CRIM1: variants seen among roughly 807,000 people sequenced by gnomAD.
The protein encoded by CRIM1 is cysteine rich transmembrane BMP regulator 1.
Under a neutral mutation model 116.4 loss-of-function variants are expected in CRIM1, and 32 were observed. The ratio of observed to expected loss-of-function variants is 0.27; its 90% confidence interval spans 0.21 to 0.37. CRIM1 has a LOEUF of 0.37. Ranked by LOEUF, CRIM1 falls within the 10% of genes least tolerant of loss-of-function variation. The pLI is 1.00. For missense variants in CRIM1, 1,331 were observed against 1,354.8 expected (o/e 0.98, Z 0.28); for synonymous variants, 590 against 509.2 (o/e 1.16, Z -2.13).
chr2:36,387,653 AAAATTTCGG>A (rs1418960251), intron 1 of CRIM1, among the ~76,000 whole-genome samples: 1 of 152,212 alleles, frequency 6.6e-6, no homozygotes, highest in African/African-American at 2.4e-5. Context: ...GGTGATTTAA[AAAATTTCGG>A]AAATGGAGCC....
At chr2:36,524,327 A>G (rs1665611076) in intron 13 of CRIM1, among the ~76,000 whole-genome samples, 1 of 152,234 alleles carries the variant, frequency 6.6e-6, no homozygotes, top group African/African-American at 2.4e-5. Context: ...TCACGCAACA[A>G]AATGACACTG....
chr2:36,404,172 C>G (rs1672617108), intron 2 of CRIM1, among the ~76,000 whole-genome samples: 1 of 152,172 alleles, frequency 6.6e-6, no homozygotes. Flanking sequence ...AGGGTTGCTA[C>G]TGTTAGCCAA....
chr2:36,545,849 C>T (rs1276241965), intron 15 of CRIM1, among the ~76,000 whole-genome samples: 2 of 152,058 alleles, frequency 1.3e-5, no homozygotes, highest in Non-Finnish European at 1.5e-5. Flanking sequence ...TTCTTTTATT[C>T]ATTGTATATT....
rs112526719 is a variant in CRIM1, at chr2:36,525,065, A to G, written c.2428+2752A>G. 3.1e-3 allele frequency among the ~76,000 whole-genome samples: 476 copies of G among 152,304 alleles called. 1 individual carries two copies. Among genetic ancestry groups the G allele is most frequent in the African/African-American group, 0.01 (418 of 41,552 alleles). On this transcript the variant is annotated intron_variant, in intron 13 of 16. Coordinates refer to ENST00000280527, the MANE Select transcript of CRIM1 (RefSeq NM_016441.3). ...ACTGATGCACGTATAATTTTATCATATAAACCCATGACTTAGCTTCAGGGG... is the reference window on the plus strand; with the variant it reads ...ACTGATGCACGTATAATTTTATCATGTAAACCCATGACTTAGCTTCAGGGG...
chr2:36,526,773 T>C (rs1018688376), intron 13 of CRIM1, among the ~76,000 whole-genome samples: 1 of 152,122 alleles, frequency 6.6e-6, no homozygotes, highest in Non-Finnish European at 1.5e-5. Context: ...GGTCAGATAT[T>C]AAAAAGAAAA....
Position 36,517,371 on chromosome 2 carries a change from T to G in CRIM1, c.2035T>G (p.Cys679Gly). 6.2e-7 allele frequency: 1 copy of G among 1,614,206 alleles called. No individual in the cohort carries two copies. ...QKPELSTPSI[C>G]HAPGGEYFVE... is the part of the protein sequence containing the mutation. ...GCCAGAGCTCAGTACTCCCTCCATT[T>G]GCCACGCCCCTGGAGGAGAATACTT... The change falls in exon 12 of 17, where the codon TGC (cysteine) becomes GGC (glycine). Residue 679 changes from cysteine to glycine, a missense_variant. By Grantham distance (159) the Cys-to-Gly change is radical. Coordinates refer to ENST00000280527, the MANE Select transcript of CRIM1 (RefSeq NM_016441.3).
chr2:36,373,963 A>G (rs1259227630), intron 1 of CRIM1, among the ~76,000 whole-genome samples: 1 of 152,226 alleles, frequency 6.6e-6, no homozygotes, highest in Non-Finnish European at 1.5e-5. Context: ...TAATTTACAT[A>G]GATTAGATAC....
chr2:36,430,363 A>T (rs1674788566), intron 2 of CRIM1, among the ~76,000 whole-genome samples: 1 of 152,214 alleles, frequency 6.6e-6, no homozygotes, highest in South Asian at 2.1e-4. Context: ...ATTTGTTGAA[A>T]TGCCTTTTCT....
chr2:36,378,216 T>C (rs774295496), intron 1 of CRIM1: 2 of 440,922 alleles, frequency 4.5e-6, no homozygotes, highest in Non-Finnish European at 9.4e-6. Context: ...AAGTCGCAGG[T>C]GTTCAGTAAA....
rs185917405 is a variant in CRIM1, at chr2:36,497,497, T to C, written c.1373-1722T>C. 2.8e-4 allele frequency among the ~76,000 whole-genome samples: 42 copies of C among 152,290 alleles called. 1 individual carries two copies. Among genetic ancestry groups the C allele is most frequent in the Admixed American group, 1.9e-3 (29 of 15,300 alleles). On this transcript the variant is annotated intron_variant, in intron 7 of 16. Transcript: ENST00000280527. ...GAGAACTAAAGATGTTTGCAGTAAA[T>C]TTTAAGAGAATGGAGGGGAGCAGCA...
intron 13 of CRIM1, among the ~76,000 whole-genome samples, chr2:36,527,547 TTAAA>T (rs3836075): frequency 0.34 from 51,238 of 151,826 alleles, 9,199 homozygotes; most frequent in East Asian, 0.53. Context: ...TCGCAAATGA[TTAAA>T]TAATACTTAA....
At chr2:36,440,398 C>T (rs1319608915) in intron 2 of CRIM1, among the ~76,000 whole-genome samples, 1 of 152,152 alleles carries the variant, frequency 6.6e-6, no homozygotes, top group Non-Finnish European at 1.5e-5. Flanking sequence ...AGGTCCTGGG[C>T]TGGGATGATG....
intron 2 of CRIM1, among the ~76,000 whole-genome samples, chr2:36,413,813 CACTTGTA>C (rs1429837945): frequency 6.6e-6 from 1 of 152,168 alleles, no homozygotes. Flanking sequence ...TCATTACATA[CACTTGTA>C]AAGTGTATGT....
At position 36,506,302 on chromosome 2, in the gene CRIM1, A is replaced by G. The variant is rs544732096; in HGVS notation, c.1502-3681A>G. Among the ~76,000 whole-genome samples the G allele has an allele frequency of 1.5e-3, 227 of 152,184 alleles. 2 individuals are homozygous for G. The highest frequency in any genetic ancestry group is 5.2e-3 in the African/African-American group (215 of 41,514). ...AGTACCCAGAGAAAACCCACACAGCATGAGAGAACATGCAGTCTCCACACA... is the reference window on the plus strand; with the variant it reads ...AGTACCCAGAGAAAACCCACACAGCGTGAGAGAACATGCAGTCTCCACACA... On this transcript the variant is annotated intron_variant, in intron 8 of 16. Coordinates refer to ENST00000280527, the MANE Select transcript of CRIM1 (RefSeq NM_016441.3).
intron 13 of CRIM1, among the ~76,000 whole-genome samples, chr2:36,534,138 GGGA>G (rs1666320862): frequency 7.3e-6 from 1 of 137,368 alleles, no homozygotes; most frequent in Admixed American, 7.2e-5. Context: ...GGAAGAATGA[GGGA>G]GAGGGCAGGA....
chr2:36,454,084 G>T (rs1394851237), intron 4 of CRIM1, among the ~76,000 whole-genome samples: 1 of 152,130 alleles, frequency 6.6e-6, no homozygotes, highest in Non-Finnish European at 1.5e-5. Context: ...TACAAGTGAA[G>T]ACGCTTCTTA....
chr2:36,434,516 T>C (rs1413365926), intron 2 of CRIM1, among the ~76,000 whole-genome samples: 1 of 152,234 alleles, frequency 6.6e-6, no homozygotes, highest in Non-Finnish European at 1.5e-5. Context: ...TCTTATCCTC[T>C]CTGGGTCTCT....
At chr2:36,433,172 G>T (rs963218298) in intron 2 of CRIM1, among the ~76,000 whole-genome samples, 9 of 152,158 alleles carry the variant, frequency 5.9e-5, no homozygotes, top group African/African-American at 2.2e-4. Context: ...TTGCTAAAAT[G>T]CAGATTCTGA....
intron 8 of CRIM1, among the ~76,000 whole-genome samples, chr2:36,502,860 T>C (rs1166782673): frequency 6.6e-6 from 1 of 152,212 alleles, no homozygotes; most frequent in Admixed American, 6.5e-5. Context: ...GAGATGCCTT[T>C]GGATATCATT....
Sources: allele counts gnomAD v4.1 joint callset (sites outside exome capture counted in the v4.1 genomes callset), GRCh38; gene constraint gnomAD v4.1.1; transcripts MANE v1.5; gene names NCBI Gene and HGNC (gene_info 2026-07-23, HGNC 2026-07-21).